Variants in TMEM131 observed in about 807,000 individuals in gnomAD.
TMEM131 encodes 2610524E03Rik.
A neutral mutation model predicts 211.6 loss-of-function variants in TMEM131; 66 were observed. The observed-to-expected ratio is 0.31, with a 90% CI of 0.26 to 0.38. The LOEUF (loss-of-function observed/expected upper bound fraction) is 0.38. Among genes scored for constraint, TMEM131 ranks in the 10% least tolerant of loss-of-function variants. The pLI is 1.00. For synonymous variants in TMEM131, 844 were observed against 841.3 expected, an observed-to-expected ratio of 1.00 and a Z score of -0.06; for missense variants, 2,036 against 2,299.3, an observed-to-expected ratio of 0.89 and a Z score of 2.34.
chr2:97,859,252 A>C, intron 5 of TMEM131, 52 bp downstream of exon 5: 1 of 1,529,146 alleles, frequency 6.5e-7, no homozygotes, highest in Admixed American at 2.4e-5. Context: ...ATAAAAATCT[A>C]GACATTTCAA....
In TMEM131 at chr2:97,793,993, C is replaced by CAAA. The variant is rs1169823016; in HGVS notation, c.3387-443_3387-441dup. Among the ~76,000 whole-genome samples the CAAA allele has an allele frequency of 5.4e-3, 296 of 54,482 alleles. 4 individuals are homozygous for CAAA. Among genetic ancestry groups the CAAA allele is most frequent in the African/African-American group, 9.7e-3 (128 of 13,180 alleles). The allele number at this position is 54,482 out of a possible 152,430, so 35.7% of individuals were successfully genotyped here. A position where few individuals can be genotyped will look rare whatever the true frequency, so the allele number is the denominator to read the frequency against. ...TGGGCAACAGAGCGAGACTCTGTCTCAAAAAAAAAAAAAAAAAAAAAACAA... is the reference window on the plus strand; with the variant it reads ...TGGGCAACAGAGCGAGACTCTGTCTCAAAAAAAAAAAAAAAAAAAAAAAAACAA... On this transcript the variant is annotated intron_variant, in intron 29 of 40. Transcript: ENST00000186436.
intron 22 of TMEM131, among the ~76,000 whole-genome samples, chr2:97,803,753 G>C (rs999209668): frequency 6.6e-6 from 1 of 152,208 alleles, no homozygotes; most frequent in Admixed American, 6.5e-5. Flanking sequence ...TGGGGACACA[G>C]AGAGGAGGGC....
chr2:97,940,808 CAAA>C (rs1261852020), intron 1 of TMEM131, among the ~76,000 whole-genome samples: 6 of 86,148 alleles, frequency 7.0e-5, no homozygotes, highest in Admixed American at 2.6e-4. Context: ...GACTCCATCT[CAAA>C]AAAAAAAAAA....
At position 97,816,436 on chromosome 2, in the gene TMEM131, C is replaced by G. The variant is rs549560945; in HGVS notation, c.1184-1129G>C. Among the ~76,000 whole-genome samples the G allele has an allele frequency of 1.6e-4, 24 of 152,150 alleles. 1 individual carries two copies. Among genetic ancestry groups the G allele is most frequent in the African/African-American group, 5.8e-4 (24 of 41,420 alleles). On this transcript the variant is annotated intron_variant, in intron 12 of 40. Coordinates refer to ENST00000186436, the MANE Select transcript of TMEM131 (RefSeq NM_015348.2). ...TAGGTACCCATTAGATGGTTCTTTT[C>G]AAAGCAAATAAAGAAGCTGTTTATG...
chr2:97,859,283 A>G, intron 5 of TMEM131, 21 bp downstream of exon 5: 1 of 1,576,600 alleles, frequency 6.3e-7, no homozygotes, highest in Non-Finnish European at 8.6e-7. Flanking sequence ...AGGAAAGATC[A>G]TGTATAGCAG....
intron 1 of TMEM131, among the ~76,000 whole-genome samples, chr2:97,957,796 C>T (rs1359234544): frequency 6.6e-6 from 1 of 151,870 alleles, no homozygotes; most frequent in East Asian, 1.9e-4. Context: ...CTCTGAAATA[C>T]AATTAGCTAA....
intron 1 of TMEM131, among the ~76,000 whole-genome samples, chr2:97,981,046 AAAAAAAAAAAAAAAAAAAAAAG>A (rs1679769646): frequency 1.4e-5 from 2 of 138,718 alleles, no homozygotes; most frequent in South Asian, 2.2e-4. Context: ...AAAAAAAAAA[AAAAAAAAAAAAAAAAAAAAAAG>A]TTTAAAAATC....
At chr2:97,919,774 C>T (rs1385459345) in intron 2 of TMEM131, among the ~76,000 whole-genome samples, 5 of 152,066 alleles carry the variant, frequency 3.3e-5, no homozygotes, top group East Asian at 1.9e-4. Flanking sequence ...TTCACCATAT[C>T]GGTCAGGCTT....
intron 1 of TMEM131, among the ~76,000 whole-genome samples, chr2:97,974,874 A>G (rs1023327426): frequency 6.6e-6 from 1 of 152,212 alleles, no homozygotes; most frequent in Non-Finnish European, 1.5e-5. Context: ...AAATGATACC[A>G]GGTGGAATAC....
At chr2:97,845,291 G>C (rs1248421152) in intron 5 of TMEM131, among the ~76,000 whole-genome samples, 8 of 152,010 alleles carry the variant, frequency 5.3e-5, no homozygotes, top group Admixed American at 1.3e-4. Flanking sequence ...CTATCATACA[G>C]GAGTGTCAGC....
chr2:97,931,261 C>G (rs1170618997), intron 1 of TMEM131, among the ~76,000 whole-genome samples: 2 of 151,778 alleles, frequency 1.3e-5, no homozygotes, highest in Admixed American at 1.3e-4. Flanking sequence ...CTACTTTAAG[C>G]TCCTCACACC....
At position 97,759,746 on chromosome 2, in the gene TMEM131, C is replaced by T. The variant is rs191573811; in HGVS notation, c.5112G>A (p.Ser1704=). 5,548 of 1,611,668 alleles carry T rather than the reference C, an allele frequency of 3.4e-3. 12 individuals are homozygous for T. Among genetic ancestry groups the T allele is most frequent in the Admixed American group, 4.9e-3 (294 of 59,696 alleles). Residue 1704 remains serine (S), a synonymous_variant, in exon 39 of 41, where the codon TCG becomes TCA. Transcript: ENST00000186436. ...GGTTGCTGACGGGACTCCACAAACC[C>T]GAGCTAAATGTTACAAGAGGAAAAC... The part of the protein sequence containing the change: ...APVDSDGSDS[S]GLWSPVSNPS...
intron 31 of TMEM131, among the ~76,000 whole-genome samples, chr2:97,782,214 A>G (rs1352753097): frequency 6.6e-6 from 1 of 152,194 alleles, no homozygotes; most frequent in Non-Finnish European, 1.5e-5. Context: ...CAAAGACAAC[A>G]TGGGAACCAG....
chr2:97,885,024 A>T (rs1675084809), intron 4 of TMEM131, among the ~76,000 whole-genome samples: 2 of 152,140 alleles, frequency 1.3e-5, no homozygotes, highest in Admixed American at 1.3e-4. Flanking sequence ...TTCCACATTG[A>T]TACGGTTTGA....
At chr2:97,760,028 T>C (rs564107017) in intron 38 of TMEM131, 61 of 397,386 alleles carry the variant, frequency 1.5e-4, no homozygotes, top group Non-Finnish European at 2.6e-4. Flanking sequence ...GTTTGCTTTT[T>C]GGTACTGGAA....
chr2:97,817,242 T>G (rs946756175), intron 12 of TMEM131, among the ~76,000 whole-genome samples: 7 of 152,152 alleles, frequency 4.6e-5, no homozygotes, highest in Non-Finnish European at 1.0e-4. Flanking sequence ...TCTTCACCCT[T>G]GCAGACCATG....
intron 31 of TMEM131, among the ~76,000 whole-genome samples, chr2:97,777,371 T>TCGAACCTCA (rs1679789293): frequency 6.6e-6 from 1 of 152,278 alleles, no homozygotes; most frequent in Non-Finnish European, 1.5e-5. Flanking sequence ...AATGGGAGAC[T>TCGAACCTCA]CGAACCTCAG....
intron 26 of TMEM131, 57 bp from the exon 27 acceptor site, chr2:97,797,043 A>C (rs952219537): frequency 6.8e-5 from 104 of 1,530,886 alleles, no homozygotes; most frequent in Admixed American, 5.1e-4. Flanking sequence ...CAATCTTTTG[A>C]TTTGCAATTT....
At chr2:97,868,705 A>G (rs1304606403) in intron 4 of TMEM131, among the ~76,000 whole-genome samples, 1 of 152,188 alleles carries the variant, frequency 6.6e-6, no homozygotes, top group Non-Finnish European at 1.5e-5. Flanking sequence ...AACAACAAAA[A>G]GTGGGAACAG....
Sources: gnomAD v4.1 joint callset for allele counts (sites outside exome capture counted in the v4.1 genomes callset) on GRCh38, gnomAD v4.1.1 for gene constraint, MANE v1.5 for transcripts, NCBI Gene and HGNC (gene_info 2026-07-23, HGNC 2026-07-21) for gene names.